The following PLCH2 variants were observed in gnomAD, a reference collection of about 807,000 sequenced individuals.
PLCH2 encodes the protein 1-phosphatidylinositol 4,5-bisphosphate phosphodiesterase eta-2.
PLCH2 carries 98 observed loss-of-function variants against 134.7 expected under a neutral mutation model. The ratio of observed to expected loss-of-function variants is 0.73; its 90% CI spans 0.62 to 0.86. The LOEUF (loss-of-function observed/expected upper bound fraction) is 0.86. Among genes scored for constraint, PLCH2 ranks in the 40% least tolerant of loss-of-function variants. PLCH2 has a pLI of 0.00. For synonymous variants in PLCH2, 974 were observed against 827.5 expected, an observed-to-expected ratio of 1.18 and a Z score of -3.04; for missense variants, 1,994 against 1,986.6, an observed-to-expected ratio of 1.00 and a Z score of -0.07.
In PLCH2 at chr1:2,505,405, A is replaced by C; in HGVS notation, c.*192A>C. ...CTAAAGCTGCTGGCCCGGGGCCCAC[A>C]GGAGGGGCTTCGAGGCTGGCCCTGC... On this transcript the variant is annotated 3_prime_UTR_variant, in exon 22 of 22. Coordinates refer to ENST00000378486, the MANE Select transcript of PLCH2 (RefSeq NM_014638.4). 1 of 573,004 alleles carries C rather than the reference A, an allele frequency of 1.7e-6. No individual in the cohort carries two copies. The highest frequency in any genetic ancestry group is 3.1e-6 in the Non-Finnish European group (1 of 327,860). 35.5% of individuals were successfully genotyped at this position (573,004 alleles called of 1,614,324 possible).
chr1:2,453,282 G>A (rs1333595700), intron 2 of PLCH2, among the ~76,000 whole-genome samples: 4 of 152,226 alleles, frequency 2.6e-5, no homozygotes, highest in Admixed American at 6.5e-5. Context: ...GCCCTTCCCC[G>A]TGTGGTGCTG....
At chr1:2,484,006 TG>T (rs1167715676) in intron 4 of PLCH2, among the ~76,000 whole-genome samples, 2 of 84,108 alleles carry the variant, frequency 2.4e-5, no homozygotes, top group African/African-American at 5.1e-5. Context: ...GACTCCCGTG[TG>T]GGGGGGCGCT....
rs540386356 is a variant in PLCH2 at position 2,468,408 on chromosome 1, C to CG, written c.43+750dup. Among the ~76,000 whole-genome samples, 326 of 152,368 alleles carry CG rather than the reference C, an allele frequency of 2.1e-3. 1 individual carries two copies. Among genetic ancestry groups the CG allele is most frequent in the African/African-American group, 7.5e-3 (313 of 41,584 alleles). On this transcript the variant is annotated intron_variant, in intron 1 of 21. Coordinates refer to the PLCH2 transcript ENST00000449969. Reference sequence around the variant, plus strand: ...GGAGCAGCAGGGGTGGCGGAAGCCCCGGGGCTGTTCACAGCAGGAGCTTCC... The same window carrying CG: ...GGAGCAGCAGGGGTGGCGGAAGCCCCGGGGGCTGTTCACAGCAGGAGCTTCC...
the PLCH2 span, among the ~76,000 whole-genome samples, chr1:2,417,308 G>A: frequency 2.3e-3 from 344 of 152,294 alleles, no homozygotes; most frequent in Non-Finnish European, 2.8e-3. Context: ...AAGAGACTTT[G>A]CACTGGTAAG....
intron 2 of PLCH2, among the ~76,000 whole-genome samples, chr1:2,436,793 T>C (rs4233033): frequency 0.57 from 87,340 of 152,108 alleles, 26,707 homozygotes; most frequent in East Asian, 0.89. Flanking sequence ...TCGTGGGCAC[T>C]GTGGCTCCTG....
chr1:2,489,896 G>T, intron 10 of PLCH2, 29 bp downstream of exon 10: 1 of 1,474,682 alleles, frequency 6.8e-7, no homozygotes, highest in Non-Finnish European at 9.5e-7. Flanking sequence ...GGAGGGGGGC[G>T]CGTGGAGCCT....
At chr1:2,484,822 C>A (rs1035483983) in intron 5 of PLCH2, among the ~76,000 whole-genome samples, 10 of 152,120 alleles carry the variant, frequency 6.6e-5, no homozygotes, top group African/African-American at 2.4e-4. Flanking sequence ...ATTTGAGAGC[C>A]CCCCAAGTTG....
At position 2,479,851 on chromosome 1, in the gene PLCH2, G is replaced by A. The variant is rs751333302; in HGVS notation, c.389G>A (p.Arg130His). Residue 130 changes from arginine to histidine, a missense_variant, in exon 3 of 22, where the codon CGC (arginine) becomes CAC (histidine). By Grantham distance (29) the Arg-to-His change is conservative. Transcript: ENST00000378486. ...TTCAGCATCTACCACGGCAGCCACC[G>A]CGAGTCGCTGGACCTGGTCTCCACC... The part of the protein sequence containing the change: ...CCFSIYHGSH[R>H]ESLDLVSTSS... 8.7e-6 allele frequency: 14 copies of A among 1,610,532 alleles called. No individual in the cohort carries two copies. Among genetic ancestry groups the A allele is most frequent in the African/African-American group, 4.0e-5 (3 of 74,856 alleles).
At chr1:2,486,369 C>T (rs984548256) in intron 5 of PLCH2, among the ~76,000 whole-genome samples, 3 of 152,226 alleles carry the variant, frequency 2.0e-5, no homozygotes, top group African/African-American at 4.8e-5. Context: ...TCCAAGAAGC[C>T]GTGTCAGTGG....
At chr1:2,462,368 C>T (rs1260341338) in intron 2 of PLCH2, among the ~76,000 whole-genome samples, 2 of 111,502 alleles carry the variant, frequency 1.8e-5, no homozygotes, top group Non-Finnish European at 3.7e-5. Flanking sequence ...GCCCCTCTGA[C>T]ACCGCCTCCA....
At chr1:2,453,846 G>A (rs1260526983) in intron 2 of PLCH2, among the ~76,000 whole-genome samples, 1 of 152,184 alleles carries the variant, frequency 6.6e-6, no homozygotes, top group African/African-American at 2.4e-5. Context: ...GGCTTCCAGG[G>A]TCCCCAGGAC....
At chr1:2,490,870 G>C (rs185424534) in intron 10 of PLCH2, among the ~76,000 whole-genome samples, 10 of 152,368 alleles carry the variant, frequency 6.6e-5, no homozygotes, top group Admixed American at 5.9e-4. Flanking sequence ...GTCTGCCCCT[G>C]GCCCTGCCAT....
chr1:2,480,830 C>G (rs1445250334), intron 4 of PLCH2, among the ~76,000 whole-genome samples: 1 of 152,054 alleles, frequency 6.6e-6, no homozygotes, highest in Non-Finnish European at 1.5e-5. Flanking sequence ...TAATTGGTTT[C>G]TGTTTCCGGA....
Position 2,503,974 on chromosome 1 carries a change from A to C in PLCH2, c.3012A>C (p.Glu1004Asp). The C allele has an allele frequency of 6.6e-7, 1 of 1,512,014 alleles. No individual in the cohort carries two copies. The highest frequency in any genetic ancestry group is 1.2e-5 in the South Asian group (1 of 83,154). The allele number at this position is 1,512,014 out of a possible 1,614,324, so 93.7% of individuals were successfully genotyped here. A position where few individuals can be genotyped will look rare whatever the true frequency, so the allele number is the denominator to read the frequency against. Residue 1004 changes from glutamate (E) to aspartate (D), a missense_variant, in exon 22 of 22, where the codon GAA (glutamate) becomes GAC (aspartate). Coordinates refer to ENST00000378486, the MANE Select transcript of PLCH2 (RefSeq NM_014638.4). The part of the protein sequence containing the change: ...QRPLPPLCSL[E>D]TIAEEPAPGP... ...CACTCCCCCCACTGTGCAGCCTGGA[A>C]ACCATCGCTGAGGAGCCCGCCCCAG...
chr1:2,488,406 T>A (rs1022108149), intron 8 of PLCH2, among the ~76,000 whole-genome samples: 1 of 152,106 alleles, frequency 6.6e-6, no homozygotes, highest in South Asian at 2.1e-4. Flanking sequence ...CTATGACCAG[T>A]GTAATCTGTG....
intron 11 of PLCH2, 40 bp downstream of exon 11, chr1:2,491,375 C>A (rs773613525): frequency 9.4e-6 from 15 of 1,593,432 alleles, no homozygotes; most frequent in East Asian, 2.2e-5. Context: ...GCCGACAGGC[C>A]CCCCCGACAG....
chr1:2,418,811 G>A, the PLCH2 span, among the ~76,000 whole-genome samples: 1 of 152,206 alleles, frequency 6.6e-6, no homozygotes, highest in Non-Finnish European at 1.5e-5. Context: ...ACATGGCCTC[G>A]ACTTGGCTGT....
At chr1:2,452,223 G>C (rs1424945406) in intron 2 of PLCH2, among the ~76,000 whole-genome samples, 1 of 152,210 alleles carries the variant, frequency 6.6e-6, no homozygotes, top group Non-Finnish European at 1.5e-5. Context: ...CACGACCCAG[G>C]ATGCTGGAGC....
rs116976704 is a variant in PLCH2 at position 2,497,095 on chromosome 1, C to T, written c.2116+85C>T. 6.1e-3 allele frequency: 8,311 copies of T among 1,353,838 alleles called. 23 individuals are homozygous for T. The highest frequency in any genetic ancestry group is 7.2e-3 in the Non-Finnish European group (7,063 of 982,720). The allele number at this position is 1,353,838 out of a possible 1,614,324, so 83.9% of individuals were successfully genotyped here. A position where few individuals can be genotyped will look rare whatever the true frequency, so the allele number is the denominator to read the frequency against. The stretch of plus-strand genomic sequence containing the variant: ...AAGCCCAAGGGGCGAGCAGGGGACC[C>T]GCTGGGGCCTCGGTTCTGTCCTGGG... On this transcript the variant is annotated intron_variant, in intron 15 of 21. Transcript: ENST00000378486.
Sources: gnomAD v4.1 joint callset for allele counts (sites outside exome capture counted in the v4.1 genomes callset) on GRCh38, gnomAD v4.1.1 for gene constraint, MANE v1.5 for transcripts, NCBI Gene and HGNC (gene_info 2026-07-23, HGNC 2026-07-21) for gene names.